DLG2: variants seen among roughly 807,000 people sequenced by gnomAD.
The protein encoded by DLG2 is disks large homolog 2.
DLG2 carries 45 observed loss-of-function variants against 132.5 expected under a neutral mutation model. The ratio of observed to expected loss-of-function variants is 0.34; its 90% CI spans 0.27 to 0.44. The LOEUF (loss-of-function observed/expected upper bound fraction) is 0.44. Ranked by LOEUF, DLG2 falls within the 20% of genes least tolerant of loss-of-function variation. DLG2 has a pLI of 1.00. For missense variants in DLG2, 1,045 were observed against 1,196.9 expected (o/e 0.87, Z 1.87); for synonymous variants, 424 against 419.6 (o/e 1.01, Z -0.13).
At chr11:84,739,583 C>G (rs1305957812) in intron 6 of DLG2, among the ~76,000 whole-genome samples, 1 of 152,024 alleles carries the variant, frequency 6.6e-6, no homozygotes, top group Non-Finnish European at 1.5e-5. Context: ...TGAGGAAAGC[C>G]TAAAGTTTTA....
At chr11:84,557,661 AT>A (rs61435705) in intron 6 of DLG2, among the ~76,000 whole-genome samples, 135 of 145,116 alleles carry the variant, frequency 9.3e-4, no homozygotes, top group Admixed American at 3.6e-3. Flanking sequence ...ACAATGTACC[AT>A]TTTTTTTTTT....
intron 8 of DLG2, among the ~76,000 whole-genome samples, chr11:84,196,234 A>G (rs1310739704): frequency 6.6e-6 from 1 of 152,242 alleles, no homozygotes; most frequent in Non-Finnish European, 1.5e-5. Flanking sequence ...GATAACTGTC[A>G]TAAAACATGG....
At chr11:84,242,174 C>T (rs936574743) in intron 8 of DLG2, among the ~76,000 whole-genome samples, 3 of 152,064 alleles carry the variant, frequency 2.0e-5, no homozygotes, top group Non-Finnish European at 4.4e-5. Context: ...CTTGGACAAC[C>T]GTTTTATTTT....
At chr11:85,162,071 C>T (rs1274958460) in intron 4 of DLG2, among the ~76,000 whole-genome samples, 8 of 152,156 alleles carry the variant, frequency 5.3e-5, no homozygotes, top group African/African-American at 1.9e-4. Flanking sequence ...TTCCATTAAC[C>T]TGGAATTGCC....
chr11:83,550,394 T>C (rs918007632), intron 19 of DLG2, among the ~76,000 whole-genome samples: 1 of 152,168 alleles, frequency 6.6e-6, no homozygotes, highest in Non-Finnish European at 1.5e-5. Context: ...GGCTTGCATG[T>C]TGATCATTTT....
At chr11:84,906,754 T>C (rs1239044337) in intron 6 of DLG2, among the ~76,000 whole-genome samples, 1 of 152,126 alleles carries the variant, frequency 6.6e-6, no homozygotes, top group Non-Finnish European at 1.5e-5. Context: ...GCCAAGGGAC[T>C]AGGGCTAGGA....
intron 21 of DLG2, among the ~76,000 whole-genome samples, chr11:83,510,186 G>A (rs760188508): frequency 5.3e-5 from 8 of 152,052 alleles, no homozygotes; most frequent in Non-Finnish European, 1.0e-4. Context: ...ATACTAGGAA[G>A]ATGTTCTTTC....
chr11:84,838,099 C>T (rs1943710), intron 6 of DLG2, among the ~76,000 whole-genome samples: 127,091 of 151,846 alleles, frequency 0.84, 54,123 homozygotes, highest in Middle Eastern at 0.96. Flanking sequence ...GGAAATAAAA[C>T]AAAGCAATAT....
chr11:85,390,503 C>G (rs2086707103), intron 3 of DLG2, among the ~76,000 whole-genome samples: 1 of 151,940 alleles, frequency 6.6e-6, no homozygotes, highest in Non-Finnish European at 1.5e-5. Context: ...AACAAACAGA[C>G]TTAACAGATA....
chr11:83,742,987 ATGACTTTG>A (rs957565489), intron 18 of DLG2, among the ~76,000 whole-genome samples: 23 of 152,210 alleles, frequency 1.5e-4, no homozygotes, highest in African/African-American at 5.5e-4. Context: ...AAAGTAAAAT[ATGACTTTG>A]TGGGTTTCTG....
intron 21 of DLG2, among the ~76,000 whole-genome samples, chr11:83,503,513 G>T (rs1406951595): frequency 6.7e-6 from 1 of 149,518 alleles, no homozygotes; most frequent in East Asian, 2.0e-4. Context: ...TCACAATAAG[G>T]CATCTGCAAG....
intron 11 of DLG2, among the ~76,000 whole-genome samples, chr11:84,038,457 C>T (rs1243666918): frequency 6.6e-6 from 1 of 151,996 alleles, no homozygotes; most frequent in Non-Finnish European, 1.5e-5. Flanking sequence ...TACCATCTAA[C>T]ACCAGTCGGA....
At chr11:83,827,405 T>C (rs1471562744) in intron 17 of DLG2, among the ~76,000 whole-genome samples, 2 of 152,186 alleles carry the variant, frequency 1.3e-5, no homozygotes, top group South Asian at 2.1e-4. Flanking sequence ...CTGAAAATTT[T>C]TGAAATACCC....
rs2092009631 is a variant in DLG2 at position 83,737,185 on chromosome 11, G to A, written c.1825+49505C>T. ...TTTAGAAGACAGATGCTACTGTGAT[G>A]CTGCAAAAGATTATTTACCTCCCAG... is the stretch of plus-strand genomic sequence containing the variant. On this transcript the variant is annotated intron_variant, in intron 18 of 27. Coordinates refer to ENST00000376104, the MANE Select transcript of DLG2 (RefSeq NM_001142699.3). Among the ~76,000 whole-genome samples the A allele has an allele frequency of 2.0e-5, 3 of 152,182 alleles. No homozygotes were observed. In the South Asian group the frequency reaches 6.2e-4, roughly 31 times the overall value.
chr11:84,600,167 A>AGAAAGAAAGAAAG (rs2099572750), intron 6 of DLG2, among the ~76,000 whole-genome samples: 1 of 70,594 alleles, frequency 1.4e-5, no homozygotes, highest in African/African-American at 7.2e-5. Context: ...AAGGAAAGAA[A>AGAAAGAAAGAAAG]GAAAGAAAGA....
intron 11 of DLG2, among the ~76,000 whole-genome samples, chr11:83,982,254 G>A (rs2092854302): frequency 6.6e-6 from 1 of 151,822 alleles, no homozygotes. Flanking sequence ...GTTAATTGTA[G>A]AAAAGCCTCA....
intron 2 of DLG2, among the ~76,000 whole-genome samples, chr11:85,609,687 G>A (rs191209839): frequency 1.1e-3 from 166 of 152,288 alleles, no homozygotes; most frequent in African/African-American, 3.8e-3. Flanking sequence ...AGGACTGAGG[G>A]TGCCTGGGGC....
chr11:84,572,006 A>G (rs190806188), intron 6 of DLG2, among the ~76,000 whole-genome samples: 6 of 152,080 alleles, frequency 3.9e-5, no homozygotes, highest in African/African-American at 9.6e-5. Context: ...CTCATTTTAC[A>G]TGGAGAGAAC....
intron 4 of DLG2, among the ~76,000 whole-genome samples, chr11:85,229,633 C>T (rs2138748): frequency 0.87 from 132,820 of 152,062 alleles, 58,410 homozygotes; most frequent in Non-Finnish European, 0.93. Context: ...AGCAATCCCA[C>T]TAGGGGGTAT....
Sources: allele counts gnomAD v4.1 joint callset (sites outside exome capture counted in the v4.1 genomes callset), GRCh38; gene constraint gnomAD v4.1.1; transcripts MANE v1.5; gene names NCBI Gene and HGNC (gene_info 2026-07-23, HGNC 2026-07-21).